SKAP1: variants seen among roughly 807,000 people sequenced by gnomAD.
SKAP1 encodes src kinase-associated phosphoprotein 1.
In SKAP1, 44 loss-of-function variants were observed where a neutral mutation model predicts 58.5. That is an observed-to-expected ratio of 0.75 (90% CI 0.59 to 0.97). The LOEUF (loss-of-function observed/expected upper bound fraction) is 0.97, where lower values mean the gene tolerates loss of function less well. Among genes scored for constraint, SKAP1 ranks in the 50% least tolerant of loss-of-function variants. SKAP1 has a pLI of 0.00. For synonymous variants in SKAP1, 127 were observed against 149.7 expected, an observed-to-expected ratio of 0.85 and a Z score of 1.11; for missense variants, 390 against 435.2, an observed-to-expected ratio of 0.90 and a Z score of 0.92.
chr17:48,392,855 C>CA (rs71366868), intron 2 of SKAP1, among the ~76,000 whole-genome samples: 1 of 140,262 alleles, frequency 7.1e-6, no homozygotes, highest in East Asian at 1.9e-4. Flanking sequence ...GACTCGGTCT[C>CA]AAAAAAAATA....
chr17:48,186,281 A>G (rs2064449907), intron 6 of SKAP1, among the ~76,000 whole-genome samples: 1 of 152,088 alleles, frequency 6.6e-6, no homozygotes, highest in African/African-American at 2.4e-5. Context: ...TTTACAAACT[A>G]TGCTGTTATC....
At chr17:48,279,225 G>GA (rs553529624) in intron 4 of SKAP1, among the ~76,000 whole-genome samples, 6 of 150,604 alleles carry the variant, frequency 4.0e-5, no homozygotes, top group Admixed American at 2.0e-4. Flanking sequence ...ACATGGAGCA[G>GA]AAAAAAAAAG....
At chr17:48,314,811 C>G (rs1346489944) in intron 4 of SKAP1, among the ~76,000 whole-genome samples, 1 of 152,170 alleles carries the variant, frequency 6.6e-6, no homozygotes, top group Non-Finnish European at 1.5e-5. Flanking sequence ...CACTTCTACC[C>G]AAGAACCTGA....
At chr17:48,233,791 G>T (rs1319912053) in intron 4 of SKAP1, among the ~76,000 whole-genome samples, 1 of 152,176 alleles carries the variant, frequency 6.6e-6, no homozygotes, top group Non-Finnish European at 1.5e-5. Flanking sequence ...AGGAGGCAGA[G>T]GTTGCAATGG....
chr17:48,213,616 C>T (rs939186702), intron 4 of SKAP1, among the ~76,000 whole-genome samples: 1 of 152,140 alleles, frequency 6.6e-6, no homozygotes, highest in Non-Finnish European at 1.5e-5. Flanking sequence ...GGCTCTCCGT[C>T]TTCTGCTTCT....
At chr17:48,287,545 G>C (rs1346516873) in intron 4 of SKAP1, among the ~76,000 whole-genome samples, 4 of 150,960 alleles carry the variant, frequency 2.6e-5, no homozygotes, top group African/African-American at 9.7e-5. Context: ...AGAAATTTTT[G>C]GTAAGAAAGA....
intron 5 of SKAP1, among the ~76,000 whole-genome samples, chr17:48,188,176 A>G (rs559889606): frequency 6.6e-6 from 1 of 151,752 alleles, no homozygotes; most frequent in Admixed American, 6.6e-5. Context: ...TTTTATCTAG[A>G]CTCCTTTATA....
chr17:48,174,375 TAGTG>T (rs2064259983), intron 9 of SKAP1, among the ~76,000 whole-genome samples: 1 of 152,144 alleles, frequency 6.6e-6, no homozygotes, highest in Non-Finnish European at 1.5e-5. Flanking sequence ...CACTGTCACA[TAGTG>T]AAGGAAAACA....
rs567073484 is a variant in SKAP1 at position 48,224,696 on chromosome 17, ACTT to A, written c.281-35199_281-35197del. Among the ~76,000 whole-genome samples the A allele has an allele frequency of 9.7e-4, 147 of 152,242 alleles. 1 individual carries two copies. The highest frequency in any genetic ancestry group is 2.8e-3 in the African/African-American group (118 of 41,548). On this transcript the variant is annotated intron_variant, in intron 4 of 12. Coordinates refer to ENST00000336915, the MANE Select transcript of SKAP1 (RefSeq NM_003726.4). ...CTCTTAAACCTTGTGTTATTTTACCACTTTAGGTGGCCAAAAAAGAACAAATGG... is the reference window on the plus strand; with the variant it reads ...CTCTTAAACCTTGTGTTATTTTACCATAGGTGGCCAAAAAAGAACAAATGG...
Position 48,204,807 on chromosome 17 carries a change from TC to T in SKAP1, c.281-15308del, listed in dbSNP as rs1598425526. On this transcript the variant is annotated intron_variant, in intron 4 of 12. Transcript: ENST00000336915. ...ACATGAAAGGAGGAACAAGAATAGC[TC>T]TGATGCAGAATCTGAGCAGCACATC... 2.0e-5 allele frequency among the ~76,000 whole-genome samples: 3 copies of T among 151,950 alleles called. No individual in the cohort carries two copies. The East Asian group carries it at 5.8e-4, about 29-fold the overall frequency.
At position 48,324,976 on chromosome 17, in the gene SKAP1, C is replaced by T. The variant is rs1459583259; in HGVS notation, c.280+20929G>A. 3.3e-5 allele frequency among the ~76,000 whole-genome samples: 5 copies of T among 150,850 alleles called. No individual in the cohort carries two copies. In the East Asian group the frequency reaches 5.8e-4, roughly 17 times the overall value. On this transcript the variant is annotated intron_variant, in intron 4 of 12. Transcript: ENST00000336915. ...CATAATTAAATATCATTGCCAGGCG[C>T]GGTGGCTCATGCCTGTAATCCCAGC...
chr17:48,222,729 C>T (rs937714673), intron 4 of SKAP1, among the ~76,000 whole-genome samples: 1 of 151,556 alleles, frequency 6.6e-6, no homozygotes, highest in Non-Finnish European at 1.5e-5. Flanking sequence ...ACGCCCACCT[C>T]GGCCTCCCAA....
At chr17:48,183,250 C>T (rs1448764816) in intron 7 of SKAP1, among the ~76,000 whole-genome samples, 1 of 152,088 alleles carries the variant, frequency 6.6e-6, no homozygotes, top group Non-Finnish European at 1.5e-5. Context: ...GATGAAGTGA[C>T]AGGAACTTAA....
intron 11 of SKAP1, among the ~76,000 whole-genome samples, chr17:48,138,209 C>A (rs1567787766): frequency 6.9e-6 from 1 of 144,418 alleles, no homozygotes; most frequent in Non-Finnish European, 1.5e-5. Flanking sequence ...GGGGCTATTT[C>A]TTTTTTTTTT....
chr17:48,231,139 C>T (rs747374915), intron 4 of SKAP1, among the ~76,000 whole-genome samples: 2 of 152,148 alleles, frequency 1.3e-5, no homozygotes, highest in African/African-American at 4.8e-5. Context: ...AAATCAGCTG[C>T]ATTTGCATCA....
chr17:48,227,253 C>T (rs532982892), intron 4 of SKAP1, among the ~76,000 whole-genome samples: 1 of 152,244 alleles, frequency 6.6e-6, no homozygotes, highest in East Asian at 1.9e-4. Flanking sequence ...CCTAAACTGC[C>T]CCTGTTTATT....
At chr17:48,399,509 C>T (rs2067467221) in intron 1 of SKAP1, among the ~76,000 whole-genome samples, 1 of 152,226 alleles carries the variant, frequency 6.6e-6, no homozygotes, top group East Asian at 1.9e-4. Flanking sequence ...CCTGTAATCC[C>T]AACCTTTTGG....
rs1567886530 is a variant in SKAP1 at position 48,369,180 on chromosome 17, T to TAAATAAATAAATAA, written c.153-5367_153-5366insTTATTTATTTATTT. On this transcript the variant is annotated intron_variant, in intron 2 of 12. Coordinates refer to ENST00000336915, the MANE Select transcript of SKAP1 (RefSeq NM_003726.4). ...AAATAAATAAATAAATAAATAAATA[T>TAAATAAATAAATAA]AAAATAAAGATGTTTTAACTGAACT... 3.3e-3 allele frequency among the ~76,000 whole-genome samples: 401 copies of TAAATAAATAAATAA among 121,950 alleles called. 2 individuals carry two copies. The highest frequency in any genetic ancestry group is 0.013 in the African/African-American group (365 of 27,678). 80.0% of individuals were successfully genotyped at this position (121,950 alleles called of 152,430 possible). A position where few individuals can be genotyped will look rare whatever the true frequency, so the allele number is the denominator to read the frequency against.
At chr17:48,279,960 G>A (rs1287640478) in intron 4 of SKAP1, among the ~76,000 whole-genome samples, 2 of 152,072 alleles carry the variant, frequency 1.3e-5, no homozygotes, top group Non-Finnish European at 2.9e-5. Context: ...GGGCCCTGTT[G>A]TCATACAGTT....
Sources: allele counts gnomAD v4.1 joint callset (sites outside exome capture counted in the v4.1 genomes callset), GRCh38; gene constraint gnomAD v4.1.1; transcripts MANE v1.5; gene names NCBI Gene and HGNC (gene_info 2026-07-23, HGNC 2026-07-21).